Variants in FCGR2A observed in about 807,000 individuals in gnomAD.
FCGR2A encodes the protein Fc gamma receptor IIa, also known as low affinity immunoglobulin gamma Fc region receptor II-a.
FCGR2A carries 18 observed loss-of-function variants against 29.3 expected under a neutral mutation model. That is an observed-to-expected ratio of 0.62 (90% CI 0.43 to 0.91). FCGR2A has a LOEUF of 0.91. Ranked by LOEUF, FCGR2A falls within the 40% of genes least tolerant of loss-of-function variation. The pLI is 0.00. For synonymous variants in FCGR2A, 126 were observed against 144.8 expected, an observed-to-expected ratio of 0.87 and a Z score of 0.93; for missense variants, 287 against 393.0, an observed-to-expected ratio of 0.73 and a Z score of 2.28.
downstream of FCGR2A, chr1:161,523,843 A>C (rs41297658): frequency 6.6e-6 from 1 of 151,718 alleles, no homozygotes; most frequent in African/African-American, 2.4e-5. Context: ...GAAAAAAATG[A>C]AAGTGCATTG....
chr1:161,515,310 G>A (rs424451), intron 6 of FCGR2A, among the ~76,000 whole-genome samples: 3 of 121,740 alleles, frequency 2.5e-5, no homozygotes, highest in Non-Finnish European at 5.7e-5. Flanking sequence ...CAATGCTAAC[G>A]TCCTTAAAAA....
downstream of FCGR2A, among the ~76,000 whole-genome samples, chr1:161,520,704 C>T (rs1416372025): frequency 2.0e-5 from 3 of 151,774 alleles, no homozygotes; most frequent in Non-Finnish European, 2.9e-5. Context: ...ACTGGCCTCC[C>T]TGCACTCACC....
intron 1 of FCGR2A, 118 bp from the exon 2 acceptor site, chr1:161,505,864 ATCTTG>A: frequency 1.1e-6 from 1 of 919,004 alleles, no homozygotes. Flanking sequence ...TGGAAACAGG[ATCTTG>A]AGATGGGTCC....
Position 161,514,344 on chromosome 1 carries a change from T to C in FCGR2A, c.780+412T>C, listed in dbSNP as rs384565. Among the ~76,000 whole-genome samples the C allele has an allele frequency of 6.4e-3, 918 of 144,212 alleles. 19 individuals are homozygous for C. The highest frequency in any genetic ancestry group is 0.015 in the Middle Eastern group (4 of 268). The allele number at this position is 144,212 out of a possible 152,430, so 94.6% of individuals were successfully genotyped here. ...TCTTCCACATTTTCCAAATTAATAC[T>C]TGTCTCTGACTTTCTGTCATTAAAA... On this transcript the variant is annotated intron_variant, in intron 6 of 6. Transcript: ENST00000271450.
chr1:161,512,953 T>G (rs1197395979), intron 5 of FCGR2A, among the ~76,000 whole-genome samples: 1 of 152,210 alleles, frequency 6.6e-6, no homozygotes, highest in African/African-American at 2.4e-5. Flanking sequence ...CGAGGCACTT[T>G]TGCAGCCAGG....
chr1:161,523,958 C>G (rs41297674), downstream of FCGR2A: 1,328 of 153,760 alleles, frequency 8.6e-3, 25 homozygotes, highest in Middle Eastern at 0.034. Context: ...TCTTAAAGCT[C>G]ACTATCTCTG....
Position 161,506,124 on chromosome 1 carries a change from A to G in FCGR2A, c.106+117A>G. ...TCCACTGAAAATCAAGCTTGGGTTC[A>G]GCATGGGCAGTTCCCCCATTTTAGT... On this transcript the variant is annotated intron_variant, in intron 2 of 6. Coordinates refer to ENST00000271450, the MANE Select transcript of FCGR2A (RefSeq NM_001136219.3). The G allele has an allele frequency of 1.2e-5, 16 of 1,304,658 alleles. No homozygotes were observed. The South Asian group carries it at 1.8e-4, about 15-fold the overall frequency. The allele number at this position is 1,304,658 out of a possible 1,614,324, so 80.8% of individuals were successfully genotyped here.
chr1:161,509,302 C>A (rs892385794), intron 3 of FCGR2A, among the ~76,000 whole-genome samples: 1 of 151,500 alleles, frequency 6.6e-6, no homozygotes, highest in Non-Finnish European at 1.5e-5. Context: ...GCAGCCAGAA[C>A]AGACTAAGAC....
At chr1:161,522,468 G>T (rs1676491841), downstream of FCGR2A, among the ~76,000 whole-genome samples, 1 of 152,006 alleles carries the variant, frequency 6.6e-6, no homozygotes, top group South Asian at 2.1e-4. Flanking sequence ...GAGGTGGCTG[G>T]GGGCTGGAAG....
chr1:161,511,941 G>T lies in FCGR2A; in HGVS notation c.742+985G>T, dbSNP rs540579965. On this transcript the variant is annotated intron_variant, in intron 5 of 6. Coordinates refer to ENST00000271450, the MANE Select transcript of FCGR2A (RefSeq NM_001136219.3). Reference sequence around the variant, plus strand: ...TGGGAGCCAGGGAGGGAGCAGCGATGGGGGGATGGCCAGGGCTCAAATCGC... The same window carrying T: ...TGGGAGCCAGGGAGGGAGCAGCGATTGGGGGATGGCCAGGGCTCAAATCGC... 3.9e-5 allele frequency among the ~76,000 whole-genome samples: 6 copies of T among 152,308 alleles called. No individual in the cohort carries two copies. In the South Asian group the frequency reaches 6.2e-4, roughly 16 times the overall value.
intron 5 of FCGR2A, among the ~76,000 whole-genome samples, chr1:161,511,668 G>A (rs1267993359): frequency 6.6e-6 from 1 of 152,032 alleles, no homozygotes; most frequent in Non-Finnish European, 1.5e-5. Flanking sequence ...CAGAGGGAAG[G>A]CCTGAGCTGG....
intron 6 of FCGR2A, among the ~76,000 whole-genome samples, chr1:161,516,222 A>T (rs1676137549): frequency 1.3e-5 from 2 of 152,242 alleles, no homozygotes; most frequent in African/African-American, 4.8e-5. Context: ...TTCATTAAAT[A>T]TCTACACCAT....
chr1:161,523,070 T>C (rs1430476095), downstream of FCGR2A: 2 of 152,186 alleles, frequency 1.3e-5, no homozygotes, highest in Non-Finnish European at 2.9e-5. Flanking sequence ...ACTTTTAAGT[T>C]TCTCTAACAC....
chr1:161,506,717 T>C, intron 3 of FCGR2A, 126 bp downstream of exon 3: 1 of 1,486,234 alleles, frequency 6.7e-7, no homozygotes, highest in Non-Finnish European at 9.0e-7. Context: ...TGTGAGTTGC[T>C]CATTCATTCC....
intron 6 of FCGR2A, among the ~76,000 whole-genome samples, chr1:161,515,298 C>T (rs1423077084): frequency 6.6e-6 from 1 of 152,234 alleles, no homozygotes; most frequent in African/African-American, 2.4e-5. Context: ...TCTGAACCTA[C>T]TCAATGCTAA....
At chr1:161,508,086 CAA>C (rs61414204) in intron 3 of FCGR2A, among the ~76,000 whole-genome samples, 2,491 of 68,138 alleles carry the variant, frequency 0.037, 41 homozygotes, top group African/African-American at 0.11. Context: ...AACTCTGTCT[CAA>C]AAAAAAAAAA....
chr1:161,518,102 T>C lies in FCGR2A; in HGVS notation c.908T>C (p.Ile303Thr). 1 of 1,613,762 alleles carries C rather than the reference T, an allele frequency of 6.2e-7. No individual in the cohort carries two copies. The highest frequency in any genetic ancestry group is 8.5e-7 in the Non-Finnish European group (1 of 1,179,826). Residue 303 changes from isoleucine to threonine, a missense_variant, in exon 7 of 7, where the codon ATC becomes ACC. Transcript: ENST00000271450. ...GCACCTACTGACGATGATAAAAACATCTACCTGACTCTTCCTCCCAACGAC... is the reference window on the plus strand; with the variant it reads ...GCACCTACTGACGATGATAAAAACACCTACCTGACTCTTCCTCCCAACGAC... ...PRAPTDDDKN[I>T]YLTLPPNDHV...
rs141159775 is a variant in FCGR2A at position 161,509,920 on chromosome 1, A to G, written c.465A>G (p.Thr155=). Residue 155 remains threonine, a synonymous_variant, in exon 4 of 7, where the codon ACA becomes ACG. Coordinates refer to ENST00000271450, the MANE Select transcript of FCGR2A (RefSeq NM_001136219.3). The part of the protein sequence containing the change: ...SWKDKPLVKV[T]FFQNGKSQKF... The stretch of plus-strand genomic sequence containing the variant: ...AGGACAAGCCTCTGGTCAAGGTCAC[A>G]TTCTTCCAGAATGGAAAATCCCAGA... 1.1e-5 allele frequency: 18 copies of G among 1,614,072 alleles called. No homozygotes were observed. Among genetic ancestry groups the G allele is most frequent in the Non-Finnish European group, 1.4e-5 (16 of 1,180,012 alleles).
downstream of FCGR2A, among the ~76,000 whole-genome samples, chr1:161,521,655 G>A (rs1676454667): frequency 2.0e-5 from 3 of 152,020 alleles, no homozygotes; most frequent in Non-Finnish European, 4.4e-5. Context: ...TTCCCATGCT[G>A]TTCTTGTGAT....
Sources: allele counts gnomAD v4.1 joint callset (sites outside exome capture counted in the v4.1 genomes callset), GRCh38; gene constraint gnomAD v4.1.1; transcripts MANE v1.5; gene names NCBI Gene and HGNC (gene_info 2026-07-23, HGNC 2026-07-21).